The following KCNK5 variants were observed in gnomAD, a reference collection of about 807,000 sequenced individuals.
The protein encoded by KCNK5 is potassium channel subfamily K member 5.
KCNK5 carries 18 observed loss-of-function variants against 32.9 expected under a neutral mutation model. That is an observed-to-expected ratio of 0.55 (90% CI 0.38 to 0.81). The LOEUF (loss-of-function observed/expected upper bound fraction) is 0.81. Ranked by LOEUF, KCNK5 falls within the 30% of genes least tolerant of loss-of-function variation. The pLI is 0.00. For synonymous variants in KCNK5, 276 were observed against 275.3 expected (o/e 1.00, Z -0.03); for missense variants, 507 against 651.0 (o/e 0.78, Z 2.41).
intron 1 of KCNK5, among the ~76,000 whole-genome samples, chr6:39,218,299 G>T (rs1421850262): frequency 6.6e-6 from 1 of 152,102 alleles, no homozygotes; most frequent in Admixed American, 6.6e-5. Flanking sequence ...TTGAACTCCT[G>T]ACCTTGTGAT....
In KCNK5 at chr6:39,229,233, G is replaced by C; in HGVS notation, c.-122C>G. On this transcript the variant is annotated 5_prime_UTR_variant, in exon 1 of 5. Coordinates refer to ENST00000359534, the MANE Select transcript of KCNK5 (RefSeq NM_003740.4). ...TGGAGCTCCGCATGCGCAGTGCCCGGTACTCACCCCCCGCAAGCACCGCTC... is the reference window on the plus strand; with the variant it reads ...TGGAGCTCCGCATGCGCAGTGCCCGCTACTCACCCCCCGCAAGCACCGCTC... 1 of 969,900 alleles carries C rather than the reference G, an allele frequency of 1.0e-6. No homozygotes were observed. Among genetic ancestry groups the C allele is most frequent in the Non-Finnish European group, 1.5e-6 (1 of 663,138 alleles). 60.1% of individuals were successfully genotyped at this position (969,900 alleles called of 1,614,324 possible).
chr6:39,221,714 C>T (rs889775093), intron 1 of KCNK5, among the ~76,000 whole-genome samples: 2 of 152,186 alleles, frequency 1.3e-5, no homozygotes, highest in African/African-American at 4.8e-5. Flanking sequence ...AGGTTAGGGG[C>T]CCCCTGAGGG....
intron 1 of KCNK5, 122 bp downstream of exon 1, chr6:39,228,804 C>A: frequency 2.2e-6 from 2 of 917,710 alleles, no homozygotes; most frequent in Non-Finnish European, 3.3e-6. Context: ...GCTCTCTCAT[C>A]ACCCCCTGGA....
At chr6:39,197,514 C>A (rs1049126908) in intron 1 of KCNK5, among the ~76,000 whole-genome samples, 1 of 152,202 alleles carries the variant, frequency 6.6e-6, no homozygotes, top group Non-Finnish European at 1.5e-5. Flanking sequence ...GCAGCCCCTG[C>A]CCTCAGAGAG....
chr6:39,217,995 A>G (rs1046051985), intron 1 of KCNK5, among the ~76,000 whole-genome samples: 2 of 151,898 alleles, frequency 1.3e-5, no homozygotes, highest in Non-Finnish European at 2.9e-5. Context: ...TTAGGAAATC[A>G]GGTAGGTCAG....
At chr6:39,213,302 A>C (rs1771373035) in intron 1 of KCNK5, among the ~76,000 whole-genome samples, 1 of 152,236 alleles carries the variant, frequency 6.6e-6, no homozygotes, top group Admixed American at 6.5e-5. Context: ...AAAATGTGAG[A>C]GGCAGAGAAA....
intron 1 of KCNK5, among the ~76,000 whole-genome samples, chr6:39,216,650 C>T (rs1771443498): frequency 6.6e-6 from 1 of 152,136 alleles, no homozygotes; most frequent in African/African-American, 2.4e-5. Flanking sequence ...AGTTGCCTTG[C>T]AAAATTAGGT....
chr6:39,205,308 C>A (rs1316303378), intron 1 of KCNK5, among the ~76,000 whole-genome samples: 1 of 152,130 alleles, frequency 6.6e-6, no homozygotes, highest in African/African-American at 2.4e-5. Context: ...AGAAGTGGGC[C>A]TGGGGAGCAG....
chr6:39,220,919 A>G (rs947093124), intron 1 of KCNK5, among the ~76,000 whole-genome samples: 3 of 152,218 alleles, frequency 2.0e-5, no homozygotes, highest in African/African-American at 4.8e-5. Context: ...GACTAGCTCA[A>G]TGAAGTCACA....
chr6:39,207,185 G>A (rs147716598), intron 1 of KCNK5, among the ~76,000 whole-genome samples: 86 of 152,304 alleles, frequency 5.6e-4, no homozygotes, highest in Non-Finnish European at 9.3e-4. Flanking sequence ...CCTGAAAGAG[G>A]CCATGCCACC....
At chr6:39,200,333 T>A (rs1212253421) in intron 1 of KCNK5, among the ~76,000 whole-genome samples, 1 of 152,190 alleles carries the variant, frequency 6.6e-6, no homozygotes, top group Non-Finnish European at 1.5e-5. Flanking sequence ...GTTCCCTGTC[T>A]CCATCACCGT....
In KCNK5 at chr6:39,224,142, G is replaced by A. The variant is rs144416481; in HGVS notation, c.186+4784C>T. 5.4e-4 allele frequency among the ~76,000 whole-genome samples: 76 copies of A among 140,228 alleles called. 1 individual carries two copies. Among genetic ancestry groups the A allele is most frequent in the African/African-American group, 1.9e-3 (71 of 38,052 alleles). The allele number at this position is 140,228 out of a possible 152,430, so 92.0% of individuals were successfully genotyped here. On this transcript the variant is annotated intron_variant, in intron 1 of 4. Coordinates refer to ENST00000359534, the MANE Select transcript of KCNK5 (RefSeq NM_003740.4). The stretch of plus-strand genomic sequence containing the variant: ...TGAGTGGAACATAAATAAGAAACAA[G>A]CCATTAGGAAGGGACCTCTTCAATT...
intron 1 of KCNK5, among the ~76,000 whole-genome samples, chr6:39,218,820 T>C (rs1290684350): frequency 1.3e-5 from 2 of 152,088 alleles, no homozygotes; most frequent in Admixed American, 1.3e-4. Flanking sequence ...CTGCAAACAG[T>C]GTGGGCCTCC....
At chr6:39,219,969 G>A (rs904008408) in intron 1 of KCNK5, among the ~76,000 whole-genome samples, 2 of 152,210 alleles carry the variant, frequency 1.3e-5, no homozygotes, top group African/African-American at 2.4e-5. Context: ...AGCATAAACC[G>A]GAGTACAGGT....
chr6:39,202,044 C>A (rs1047330756), intron 1 of KCNK5, among the ~76,000 whole-genome samples: 4 of 152,162 alleles, frequency 2.6e-5, no homozygotes, highest in Admixed American at 2.0e-4. Context: ...CACAGACATG[C>A]AGAGACTCCC....
chr6:39,208,078 CCT>C (rs1047597906), intron 1 of KCNK5, among the ~76,000 whole-genome samples: 2 of 152,184 alleles, frequency 1.3e-5, no homozygotes, highest in African/African-American at 4.8e-5. Flanking sequence ...TCCCTCTCCC[CCT>C]GTGCCTGTGG....
intron 1 of KCNK5, among the ~76,000 whole-genome samples, chr6:39,213,015 G>C (rs1178459016): frequency 1.3e-5 from 2 of 152,176 alleles, no homozygotes; most frequent in Non-Finnish European, 2.9e-5. Context: ...TCCTTGGAGG[G>C]GGATTGGTTC....
rs1770940030 is a variant in KCNK5 at position 39,191,614 on chromosome 6, C to A, written c.776G>T (p.Arg259Leu). The A allele has an allele frequency of 6.2e-7, 1 of 1,613,906 alleles. No individual in the cohort carries two copies. The highest frequency in any genetic ancestry group is 8.5e-7 in the Non-Finnish European group (1 of 1,180,006). The change falls in exon 5 of 5, where the codon CGG becomes CTG. Residue 259 changes from arginine (R) to leucine (L), a missense_variant. By Grantham distance (102) the Arg-to-Leu change is moderately radical. Around this residue, in one of 6 missense-constraint regions of KCNK5, gnomAD observed 45 missense variants for 107.6 expected, o/e 0.42. Coordinates refer to ENST00000359534, the MANE Select transcript of KCNK5 (RefSeq NM_003740.4). This position sits in a 1 kb window ranked among gnomAD's most constrained non-coding sequence, Gnocchi z 5.8. ...AAAGGACTCCTTCCGTCGCCGCCGC[C>A]GCTTCTTAATGGCTTTGTGGACTTC... ...FVEVHKAIKK[R>L]RRRRKESFES...
intron 1 of KCNK5, among the ~76,000 whole-genome samples, chr6:39,214,768 A>C (rs73731727): frequency 6.6e-6 from 1 of 152,060 alleles, no homozygotes; most frequent in Non-Finnish European, 1.5e-5. Flanking sequence ...GGCAACCCCC[A>C]GGCCAGGGTC....
Sources: allele counts gnomAD v4.1 joint callset (sites outside exome capture counted in the v4.1 genomes callset), GRCh38; gene constraint gnomAD v4.1.1; regional missense constraint gnomAD v4.1.1; non-coding constraint Gnocchi (gnomAD v3.1); transcripts MANE v1.5; gene names NCBI Gene and HGNC (gene_info 2026-07-23, HGNC 2026-07-21).